The following CFAP92 variants were observed in gnomAD, a reference collection of about 807,000 sequenced individuals.
CFAP92 encodes cilia and flagella associated protein 92 (putative).
A neutral mutation model predicts 106.3 loss-of-function variants in CFAP92; 86 were observed. The observed-to-expected ratio is 0.81, with a 90% CI of 0.68 to 0.97. The LOEUF is 0.97. Among genes scored for constraint, CFAP92 ranks in the 50% least tolerant of loss-of-function variants. The probability of loss-of-function intolerance (pLI) is 0.00; values close to 1 mark genes in which losing one functional copy is unlikely to be tolerated. For synonymous variants in CFAP92, 477 were observed against 506.4 expected (o/e 0.94, Z 0.78); for missense variants, 1,204 against 1,283.8 (o/e 0.94, Z 0.95).
chr3:129,017,110 G>A, the CFAP92 span, among the ~76,000 whole-genome samples: 5 of 152,284 alleles, frequency 3.3e-5, no homozygotes, highest in East Asian at 9.6e-4. Context: ...CCATATCCAC[G>A]GGTCCTCCTG....
At chr3:129,008,837 C>T in the CFAP92 span, among the ~76,000 whole-genome samples, 1 of 152,202 alleles carries the variant, frequency 6.6e-6, no homozygotes, top group Non-Finnish European at 1.5e-5. Context: ...CTAAGAGGCT[C>T]CTGGTCCCCT....
At chr3:128,912,165 C>G (rs918075261) in intron 15 of CFAP92, among the ~76,000 whole-genome samples, 3 of 152,304 alleles carry the variant, frequency 2.0e-5, no homozygotes, top group Non-Finnish European at 4.4e-5. Flanking sequence ...GACACCCCCC[C>G]AGTGCTGACA....
chr3:128,940,879 G>GA (rs769430364), intron 10 of CFAP92, among the ~76,000 whole-genome samples: 74 of 148,054 alleles, frequency 5.0e-4, no homozygotes, highest in East Asian at 2.5e-3. Flanking sequence ...GGACTTTGAT[G>GA]AAAAAAAAAA....
chr3:128,935,817 T>C (rs887608188), intron 10 of CFAP92, among the ~76,000 whole-genome samples: 1 of 152,010 alleles, frequency 6.6e-6, no homozygotes, highest in African/African-American at 2.4e-5. Flanking sequence ...AGACCCTGTC[T>C]CAAAACAACA....
intron 12 of CFAP92, among the ~76,000 whole-genome samples, chr3:128,928,745 A>G (rs934373854): frequency 1.3e-5 from 2 of 152,128 alleles, no homozygotes; most frequent in Admixed American, 6.5e-5. Context: ...GTCCTTAACT[A>G]TAACACCAAA....
At chr3:128,910,933 C>T in intron 15 of CFAP92, 1 of 1,260,350 alleles carries the variant, frequency 7.9e-7, no homozygotes, top group Non-Finnish European at 1.2e-6. Context: ...AGACCTCTGC[C>T]TTGAGCGAGG....
chr3:128,999,528 GTTCT>G (rs1944612746), intron 1 of CFAP92, among the ~76,000 whole-genome samples: 4 of 138,690 alleles, frequency 2.9e-5, no homozygotes, highest in Non-Finnish European at 6.1e-5. Flanking sequence ...ATAAAATCAG[GTTCT>G]TTTTTTTTTT....
Position 128,945,321 on chromosome 3 carries a change from C to T in CFAP92, c.2008G>A (p.Val670Ile). 6.5e-7 allele frequency: 1 copy of T among 1,536,098 alleles called. No individual in the cohort carries two copies. Residue 670 changes from valine (V) to isoleucine (I), a missense_variant, in exon 10 of 16, where the codon GTC (valine) becomes ATC (isoleucine). Physicochemically the swap from Val to Ile is conservative, Grantham distance 29. Coordinates refer to ENST00000645291, the MANE Select transcript of CFAP92 (RefSeq NM_001394090.1). The stretch of plus-strand genomic sequence containing the variant: ...TGCAGCAGGCTGTGGAGCAGGGAGA[C>T]CTTCTTAAAGTCAAAGACGAAGATG... ...RIIFVFDFKKVSLLHSLLQDI... is the reference protein window; with the variant it reads ...RIIFVFDFKKISLLHSLLQDI...
intron 9 of CFAP92, among the ~76,000 whole-genome samples, chr3:128,952,461 C>G (rs2107740405): frequency 1.3e-5 from 2 of 152,172 alleles, no homozygotes; most frequent in Middle Eastern, 6.8e-3. Context: ...TAAAAAATCA[C>G]CTGTCATACC....
At chr3:128,980,815 C>T (rs1448026696) in intron 4 of CFAP92, among the ~76,000 whole-genome samples, 1 of 152,180 alleles carries the variant, frequency 6.6e-6, no homozygotes, top group African/African-American at 2.4e-5. Flanking sequence ...GCAATTCAGT[C>T]ACATCCTCAG....
chr3:129,003,193 G>T (rs1414867443), upstream of CFAP92: 2 of 983,522 alleles, frequency 2.0e-6, no homozygotes, highest in Non-Finnish European at 2.4e-6. Flanking sequence ...AAGCCAGGGT[G>T]GAGGCGGGAA....
chr3:129,011,658 A>C, the CFAP92 span, among the ~76,000 whole-genome samples: 1 of 152,036 alleles, frequency 6.6e-6, no homozygotes, highest in African/African-American at 2.4e-5. Context: ...AAAAGCAAGG[A>C]GGCAGAGGAG....
intron 9 of CFAP92, among the ~76,000 whole-genome samples, chr3:128,958,482 G>A (rs1941620116): frequency 6.6e-6 from 1 of 152,150 alleles, no homozygotes; most frequent in East Asian, 1.9e-4. Context: ...CCTAATTACT[G>A]AGGAAATTGG....
the CFAP92 span, among the ~76,000 whole-genome samples, chr3:129,013,057 T>C: frequency 6.6e-6 from 1 of 152,216 alleles, no homozygotes; most frequent in African/African-American, 2.4e-5. Flanking sequence ...GAGGCCTGGC[T>C]TGTCCTGTAG....
intron 12 of CFAP92, among the ~76,000 whole-genome samples, chr3:128,928,236 G>A (rs967199093): frequency 6.6e-6 from 1 of 152,196 alleles, no homozygotes; most frequent in African/African-American, 2.4e-5. Context: ...CTGGGTGACA[G>A]AGCAAGACTC....
chr3:128,929,900 A>G (rs1938147737), intron 12 of CFAP92, among the ~76,000 whole-genome samples: 2 of 152,206 alleles, frequency 1.3e-5, no homozygotes, highest in Non-Finnish European at 2.9e-5. Context: ...TATACTTACA[A>G]TAGGTGAATT....
At chr3:128,938,145 T>C (rs988291779) in intron 10 of CFAP92, among the ~76,000 whole-genome samples, 2 of 151,540 alleles carry the variant, frequency 1.3e-5, no homozygotes, top group South Asian at 2.1e-4. Context: ...GGTGGGAGGA[T>C]TGCTTGAGGT....
Position 128,935,167 on chromosome 3 carries a change from AG to A in CFAP92, c.2410del (p.Leu804CysfsTer13). The A allele has an allele frequency of 6.5e-7, 1 of 1,535,560 alleles. No homozygotes were observed. Among genetic ancestry groups the A allele is most frequent in the Non-Finnish European group, 8.7e-7 (1 of 1,146,494 alleles). On this transcript the variant is annotated frameshift_variant, in exon 11 of 16. Transcript: ENST00000645291. LOFTEE classifies it high-confidence loss of function. Reference sequence around the variant, plus strand: ...GACCCGCCTCCGCTCAGTGTCTCGCAGGAAGAACACCGCCTGCTGCAGCAGC... The same window carrying A: ...GACCCGCCTCCGCTCAGTGTCTCGCAGAAGAACACCGCCTGCTGCAGCAGC... ...ELLLQQAVFF[L>X]RDTERRRVFQ...
chr3:128,994,081 G>A (rs1167650376), upstream of CFAP92: 36 of 985,760 alleles, frequency 3.7e-5, no homozygotes, highest in Non-Finnish European at 4.2e-5. Flanking sequence ...AAGACTGAGA[G>A]GAGCGTCCGC....
Sources: allele counts gnomAD v4.1 joint callset (sites outside exome capture counted in the v4.1 genomes callset), GRCh38; gene constraint gnomAD v4.1.1; transcripts MANE v1.5; gene names NCBI Gene and HGNC (gene_info 2026-07-23, HGNC 2026-07-21).